Variants in AGAP2 observed in about 807,000 individuals in gnomAD.
AGAP2 encodes the protein arf-GAP with GTPase, ANK repeat and PH domain-containing protein 2.
A neutral mutation model predicts 110.9 loss-of-function variants in AGAP2; 32 were observed. That is an observed-to-expected ratio of 0.29 (90% CI 0.22 to 0.39). The LOEUF is 0.39. Among genes scored for constraint, AGAP2 ranks in the 10% least tolerant of loss-of-function variants. The probability of loss-of-function intolerance (pLI) is 1.00; values close to 1 mark genes in which losing one functional copy is unlikely to be tolerated. For synonymous variants in AGAP2, 702 were observed against 713.0 expected, an observed-to-expected ratio of 0.98 and a Z score of 0.25; for missense variants, 1,285 against 1,638.5, an observed-to-expected ratio of 0.78 and a Z score of 3.72.
intron 1 of AGAP2, among the ~76,000 whole-genome samples, 193 bp downstream of exon 1, chr12:57,736,886 T>C (rs1954991838): frequency 6.6e-6 from 1 of 152,230 alleles, no homozygotes; most frequent in Non-Finnish European, 1.5e-5. Context: ...CTTTCTCCTG[T>C]CGCACAATGT....
At chr12:57,740,027 G>A (rs540506474), upstream of AGAP2, 4 of 152,452 alleles carry the variant, frequency 2.6e-5, no homozygotes, top group African/African-American at 9.6e-5. Flanking sequence ...CCCCTTGGGG[G>A]TGGGGTAAGA....
rs112834548 is a variant in AGAP2, at chr12:57,728,042, C to T, written c.2661G>A (p.Thr887=). The change falls in exon 15 of 19, where the codon ACG becomes ACA. Residue 887 remains threonine, a synonymous_variant. Coordinates refer to ENST00000547588, the MANE Select transcript of AGAP2 (RefSeq NM_001122772.3). ...EFLIVSSTGQ[T]WHFEAASFEE... is the part of the protein sequence containing the mutation. ...CAAAACTGGCTGCCTCAAAGTGCCA[C>T]GTCTGACCCGTGCTGGACACGATCA... The T allele has an allele frequency of 1.2e-6, 2 of 1,611,610 alleles. No individual in the cohort carries two copies. Among genetic ancestry groups the T allele is most frequent in the Non-Finnish European group, 1.7e-6 (2 of 1,178,524 alleles).
At position 57,737,596 on chromosome 12, in the gene AGAP2, GC is replaced by G; in HGVS notation, c.650del (p.Gly217AlafsTer77). 1 of 1,548,170 alleles carries G rather than the reference GC, an allele frequency of 6.5e-7. No individual in the cohort carries two copies. Reference sequence around the variant, plus strand: ...TCTTTGACCCCTTGACCCTGGGCTTGCCCTCGCTTTCGGGCCATGACAGGCG... The same window carrying G: ...TCTTTGACCCCTTGACCCTGGGCTTGCCTCGCTTTCGGGCCATGACAGGCG... Reference protein sequence around the residue: ...GSRLSWPESEGKPRVKGSKSS... With the variant: ...GSRLSWPESEXKPRVKGSKSS... On this transcript the variant is annotated frameshift_variant, in exon 1 of 19. Coordinates refer to ENST00000547588, the MANE Select transcript of AGAP2 (RefSeq NM_001122772.3). LOFTEE classifies it high-confidence loss of function. This position sits in a 1 kb window ranked among gnomAD's most constrained non-coding sequence, Gnocchi z 5.9.
At chr12:57,736,959 T>G in intron 1 of AGAP2, 120 bp downstream of exon 1, 1 of 1,432,616 alleles carries the variant, frequency 7.0e-7, no homozygotes, top group South Asian at 1.5e-5. Flanking sequence ...GGGGTGAGCT[T>G]GGTTCATCCG....
At chr12:57,729,568 A>C (rs1161340280) in intron 13 of AGAP2, 71 bp downstream of exon 13, 92 of 1,559,236 alleles carry the variant, frequency 5.9e-5, no homozygotes, top group Non-Finnish European at 7.1e-5. Flanking sequence ...CTGCTGCAGG[A>C]GTTAGGCCAG....
upstream of AGAP2, among the ~76,000 whole-genome samples, chr12:57,739,500 G>A (rs1955050905): frequency 6.6e-6 from 1 of 152,182 alleles, no homozygotes. Context: ...AGAGAAGGGA[G>A]AGATCTGAGT....
chr12:57,728,135 G>C (rs770628586), intron 14 of AGAP2, 50 bp from the exon 15 acceptor site: 2 of 1,556,340 alleles, frequency 1.3e-6, no homozygotes, highest in Non-Finnish European at 1.7e-6. Flanking sequence ...TCAAGCAGGG[G>C]CTGCCTTTCC....
At position 57,729,839 on chromosome 12, in the gene AGAP2, A is replaced by G. The variant is rs1406893371; in HGVS notation, c.2429-72T>C. On this transcript the variant is annotated intron_variant, in intron 12 of 18. Coordinates refer to ENST00000547588, the MANE Select transcript of AGAP2 (RefSeq NM_001122772.3). ...TCCTGATTTCTTGATAGCCTGTCTC[A>G]TTCCCTGAACTAGCTTTGGCATTTT... The G allele has an allele frequency of 1.4e-5, 22 of 1,532,918 alleles. 1 individual carries two copies. The highest frequency in any genetic ancestry group is 3.5e-4 in the Middle Eastern group (2 of 5,698). The allele number at this position is 1,532,918 out of a possible 1,614,324, so 95.0% of individuals were successfully genotyped here.
rs1408561512 is a variant in AGAP2 at position 57,729,772 on chromosome 12, G to A, written c.2429-5C>T. Reference sequence around the variant, plus strand: ...GGTCTCCAGATGGGGTACAGTCTTAGGGAGGAAGACACAGCTGCCTCAGTA... The same window carrying A: ...GGTCTCCAGATGGGGTACAGTCTTAAGGAGGAAGACACAGCTGCCTCAGTA... On this transcript the variant is annotated splice_polypyrimidine_tract_variant and splice_region_variant and intron_variant, in intron 12 of 18. Coordinates refer to ENST00000547588, the MANE Select transcript of AGAP2 (RefSeq NM_001122772.3). 6.2e-7 allele frequency: 1 copy of A among 1,602,610 alleles called. No individual in the cohort carries two copies. Among genetic ancestry groups the A allele is most frequent in the South Asian group, 1.1e-5 (1 of 89,526 alleles).
At chr12:57,734,295 G>A in intron 4 of AGAP2, 24 bp downstream of exon 4, 3 of 1,613,912 alleles carry the variant, frequency 1.9e-6, no homozygotes, top group Non-Finnish European at 2.5e-6. Flanking sequence ...CAGCCAGCCT[G>A]TCCCCCACCA....
chr12:57,733,100 A>G, intron 5 of AGAP2, 121 bp from the exon 6 acceptor site: 1 of 1,314,464 alleles, frequency 7.6e-7, no homozygotes, highest in Non-Finnish European at 1.1e-6. Flanking sequence ...GGTGTGAGAG[A>G]TCATCTTTTC....
In AGAP2 at chr12:57,735,426, C is replaced by A. The variant is rs1353749237; in HGVS notation, c.1170G>T (p.Lys390Asn). ...TCCATTCCTGGCTATTGATCACAGCCTCTGTAACGGGAGAAGGGCAGTAAG... is the reference window on the plus strand; with the variant it reads ...TCCATTCCTGGCTATTGATCACAGCATCTGTAACGGGAGAAGGGCAGTAAG... ...LLGAELRASP[K>N]AVINSQEWTL... is the part of the protein sequence containing the mutation. Residue 390 changes from lysine to asparagine, a missense_variant and splice_region_variant, in exon 2 of 19, where the codon AAG (lysine) becomes AAT (asparagine). Around this residue, in one of 7 missense-constraint regions of AGAP2, gnomAD observed 844 missense variants for 941.2 expected, o/e 0.90. Transcript: ENST00000547588. 31 of 1,613,642 alleles carry A rather than the reference C, an allele frequency of 1.9e-5. No individual in the cohort carries two copies. The highest frequency in any genetic ancestry group is 2.5e-5 in the Non-Finnish European group (30 of 1,179,902).
chr12:57,732,347 C>T (rs1954901633), intron 7 of AGAP2, 56 bp downstream of exon 7: 2 of 1,487,352 alleles, frequency 1.3e-6, no homozygotes. Flanking sequence ...GTCCTAGGAT[C>T]CCCAGCCCCT....
At position 57,730,903 on chromosome 12, in the gene AGAP2, T is replaced by G; in HGVS notation, c.2196A>C (p.Thr732=). ...HGKEMDLLRT[T]VKVPGKRPPR... ...GGGGCCGCTTGCCCGGGACTTTGAC[T>G]GTTGTTCGCAGCAAGTCCATCTCCT... Residue 732 remains threonine, a synonymous_variant, in exon 11 of 19, where the codon ACA becomes ACC. Coordinates refer to ENST00000547588, the MANE Select transcript of AGAP2 (RefSeq NM_001122772.3). 6.3e-7 allele frequency: 1 copy of G among 1,598,400 alleles called. No individual in the cohort carries two copies. The highest frequency in any genetic ancestry group is 8.5e-7 in the Non-Finnish European group (1 of 1,172,404).
Position 57,727,194 on chromosome 12 carries a change from T to A in AGAP2, c.3116A>T (p.Glu1039Val), listed in dbSNP as rs1270345286. The change falls in exon 18 of 19, where the codon GAG becomes GTG. Residue 1039 changes from glutamate (E) to valine (V), a missense_variant. This residue lies in a region of AGAP2 where 201 missense variants were observed against 276.1 expected (regional missense o/e 0.73). Coordinates refer to ENST00000547588, the MANE Select transcript of AGAP2 (RefSeq NM_001122772.3). ...ERESWIRAKY[E>V]QLLFLAPLST... ...CAGCGGCGCCAGGAACAGTAGCTGCTCGTACTTGGCGCGAATCCACGACTC... is the reference window on the plus strand; with the variant it reads ...CAGCGGCGCCAGGAACAGTAGCTGCACGTACTTGGCGCGAATCCACGACTC... 6.2e-7 allele frequency: 1 copy of A among 1,611,310 alleles called. No homozygotes were observed. The highest frequency in any genetic ancestry group is 8.5e-7 in the Non-Finnish European group (1 of 1,179,456).
rs750302283 is a variant in AGAP2, at chr12:57,737,532, T to C, written c.715A>G (p.Thr239Ala). ...CCCCCTCCCCCGGCGGCGGCGGCGG[T>C]GGCGGCGGCAGAGACCGAAGCTCCA... ...GTGASVSAAA[T>A]AAAAGGGGST... Residue 239 changes from threonine (T) to alanine (A), a missense_variant, in exon 1 of 19, where the codon ACC (threonine) becomes GCC (alanine). By Grantham distance (58) the Thr-to-Ala change is moderately conservative. Coordinates refer to ENST00000547588, the MANE Select transcript of AGAP2 (RefSeq NM_001122772.3). This position sits in a 1 kb window ranked among gnomAD's most constrained non-coding sequence, Gnocchi z 5.9. 2.2e-5 allele frequency: 35 copies of C among 1,561,318 alleles called. No homozygotes were observed. The Admixed American group carries it at 2.5e-4, about 11-fold the overall frequency.
Position 57,734,114 on chromosome 12 carries a change from G to C in AGAP2, c.1461C>G (p.Phe487Leu). The C allele has an allele frequency of 6.2e-7, 1 of 1,613,708 alleles. No individual in the cohort carries two copies. Among genetic ancestry groups the C allele is most frequent in the Non-Finnish European group, 8.5e-7 (1 of 1,179,834 alleles). The change falls in exon 5 of 19, where the codon TTC becomes TTG. Residue 487 changes from phenylalanine to leucine, a missense_variant. Transcript: ENST00000547588. ...GCCCATGGAGACGGCTCACAGCCTGGAAACTGTTCTCATCCTCCAGGCTGA... is the reference window on the plus strand; with the variant it reads ...GCCCATGGAGACGGCTCACAGCCTGCAAACTGTTCTCATCCTCCAGGCTGA... ...FVFSLEDENS[F>L]QAVSRLHGQL...
rs145122115 is a variant in AGAP2 at position 57,731,923 on chromosome 12, C to A, written c.1839G>T (p.Pro613=). The A allele has an allele frequency of 6.2e-7, 1 of 1,613,568 alleles. No individual in the cohort carries two copies. The highest frequency in any genetic ancestry group is 1.1e-5 in the South Asian group (1 of 90,902). ...CCCGGTGACCAACATTCGGTGAGGACGGGAGGGAAGAAGAGTAGTCGCTAG... is the reference window on the plus strand; with the variant it reads ...CCCGGTGACCAACATTCGGTGAGGAAGGGAGGGAAGAAGAGTAGTCGCTAG... ...GHTSDYSSSL[P]SSPNVGHREL... is the part of the protein sequence containing the mutation. Residue 613 remains proline (P), a synonymous_variant, in exon 8 of 19, where the codon CCG becomes CCT. Transcript: ENST00000547588.
chr12:57,739,473 G>A (rs12368653), upstream of AGAP2, among the ~76,000 whole-genome samples: 60,475 of 151,960 alleles, frequency 0.4, 13,064 homozygotes, highest in Middle Eastern at 0.66. Flanking sequence ...GACAAACATG[G>A]AACTTAGCAG....
Sources: gnomAD v4.1 joint callset for allele counts (sites outside exome capture counted in the v4.1 genomes callset) on GRCh38, gnomAD v4.1.1 for gene constraint, gnomAD v4.1.1 regional missense constraint, Gnocchi (gnomAD v3.1) non-coding constraint, MANE v1.5 for transcripts, NCBI Gene and HGNC (gene_info 2026-07-23, HGNC 2026-07-21) for gene names.